CCDC30: variants seen among roughly 807,000 people sequenced by gnomAD.
CCDC30 encodes the protein coiled-coil domain-containing protein 30.
CCDC30 carries 70 observed loss-of-function variants against 100.2 expected under a neutral mutation model. That is an observed-to-expected ratio of 0.70 (90% CI 0.58 to 0.85). CCDC30 has a LOEUF of 0.85. Among genes scored for constraint, CCDC30 ranks in the 40% least tolerant of loss-of-function variants. The pLI is 0.00. For synonymous variants in CCDC30, 233 were observed against 269.5 expected (o/e 0.86, Z 1.33); for missense variants, 652 against 771.2 (o/e 0.85, Z 1.83).
intron 1 of CCDC30, among the ~76,000 whole-genome samples, chr1:42,477,452 T>C (rs1406813500): frequency 6.6e-6 from 1 of 152,134 alleles, no homozygotes; most frequent in African/African-American, 2.4e-5. Flanking sequence ...ATGATCTTGA[T>C]CTCTTGACCT....
At chr1:42,569,180 A>G (rs1280468278) in intron 7 of CCDC30, 1 of 152,254 alleles carries the variant, frequency 6.6e-6, no homozygotes, top group African/African-American at 2.4e-5. Context: ...AACTATCATC[A>G]GAATGAACAG....
intron 6 of CCDC30, among the ~76,000 whole-genome samples, chr1:42,561,617 CA>C (rs1645489228): frequency 6.6e-6 from 1 of 151,846 alleles, no homozygotes; most frequent in African/African-American, 2.4e-5. Flanking sequence ...GGCAGTCAGG[CA>C]AAAGAAAGAA....
intron 6 of CCDC30, among the ~76,000 whole-genome samples, chr1:42,528,722 G>A (rs1644762490): frequency 6.6e-6 from 1 of 152,222 alleles, no homozygotes; most frequent in Non-Finnish European, 1.5e-5. Flanking sequence ...GGGAAGAGAA[G>A]CAAGTACTTT....
At chr1:42,583,533 C>T (rs1646009470) in intron 9 of CCDC30, among the ~76,000 whole-genome samples, 4 of 152,236 alleles carry the variant, frequency 2.6e-5, no homozygotes, top group South Asian at 2.1e-4. Context: ...TCTGACATTA[C>T]ATTTTTTTCT....
chr1:42,650,919 C>T (rs939626333), intron 15 of CCDC30, among the ~76,000 whole-genome samples: 9 of 152,308 alleles, frequency 5.9e-5, no homozygotes, highest in African/African-American at 1.7e-4. Flanking sequence ...TCAGACACCA[C>T]ACCTGGCCTA....
intron 6 of CCDC30, chr1:42,556,314 T>C (rs769188332): frequency 2.5e-6 from 4 of 1,613,882 alleles, no homozygotes; most frequent in East Asian, 2.2e-5. Context: ...CCTGAGGAAA[T>C]TGTGAGGCTT....
At chr1:42,525,012 A>C (rs1644703580) in intron 6 of CCDC30, among the ~76,000 whole-genome samples, 1 of 152,164 alleles carries the variant, frequency 6.6e-6, no homozygotes, top group Non-Finnish European at 1.5e-5. Context: ...TCTTGCTTTC[A>C]TAGTTTTTGA....
rs113665471 is a variant in CCDC30, at chr1:42,555,925, G to C, written c.457-10371G>C. On this transcript the variant is annotated intron_variant, in intron 6 of 16. Coordinates refer to ENST00000668663, the Ensembl canonical transcript of CCDC30. ...GGCTCGTCTCCAGCTCCTGACATCA[G>C]GTGATCCGCCCATCTCGGCCTTCCA... is the stretch of plus-strand genomic sequence containing the variant. Among the ~76,000 whole-genome samples, 936 of 152,248 alleles carry C rather than the reference G, an allele frequency of 6.1e-3. 6 individuals are homozygous for C. Among genetic ancestry groups the C allele is most frequent in the African/African-American group, 0.021 (874 of 41,538 alleles).
chr1:42,599,118 T>C (rs1646351154), intron 10 of CCDC30, among the ~76,000 whole-genome samples: 1 of 152,134 alleles, frequency 6.6e-6, no homozygotes. Context: ...TTTTAGTTGA[T>C]CTAAGAGATA....
At chr1:42,477,458 G>A (rs1414278531) in intron 1 of CCDC30, among the ~76,000 whole-genome samples, 1 of 152,086 alleles carries the variant, frequency 6.6e-6, no homozygotes, top group Non-Finnish European at 1.5e-5. Flanking sequence ...TTGATCTCTT[G>A]ACCTTGTGAT....
upstream of CCDC30, chr1:42,459,935 GC>G (rs779561295): frequency 3.2e-6 from 5 of 1,578,754 alleles, no homozygotes; most frequent in South Asian, 2.3e-5. Flanking sequence ...GAAGTAAAAA[GC>G]CCTTATAGGA....
At chr1:42,484,840 AAG>A (rs1364434129) in intron 3 of CCDC30, among the ~76,000 whole-genome samples, 1 of 152,174 alleles carries the variant, frequency 6.6e-6, no homozygotes, top group Admixed American at 6.5e-5. Flanking sequence ...AAGAATAAAA[AAG>A]AATTTATATA....
chr1:42,556,538 A>G, intron 6 of CCDC30, 133 bp downstream of exon 10: 1 of 950,790 alleles, frequency 1.1e-6, no homozygotes, highest in Non-Finnish European at 1.5e-6. Flanking sequence ...AGATGTGTGT[A>G]TTTATGGAGT....
chr1:42,549,152 G>A (rs1280186638), intron 6 of CCDC30, among the ~76,000 whole-genome samples: 1 of 152,142 alleles, frequency 6.6e-6, no homozygotes, highest in Non-Finnish European at 1.5e-5. Flanking sequence ...AAGGACTGAT[G>A]AGCGGGACCA....
intron 8 of CCDC30, chr1:42,580,790 A>T (rs1380988712): frequency 2.2e-6 from 1 of 455,908 alleles, no homozygotes; most frequent in Admixed American, 2.4e-5. Flanking sequence ...CAATATGCTA[A>T]TAGGTGCTTG....
At chr1:42,527,268 C>A (rs57722199) in intron 6 of CCDC30, among the ~76,000 whole-genome samples, 1,830 of 152,292 alleles carry the variant, frequency 0.012, 30 homozygotes, top group African/African-American at 0.041. Flanking sequence ...CTGTGACAAT[C>A]TACTAGGATA....
At chr1:42,460,647 T>C (rs1643385390), upstream of CCDC30, among the ~76,000 whole-genome samples, 2 of 152,232 alleles carry the variant, frequency 1.3e-5, no homozygotes, top group Admixed American at 1.3e-4. Flanking sequence ...TGGTGATCTC[T>C]GTCCTGAGGG....
intron 3 of CCDC30, among the ~76,000 whole-genome samples, chr1:42,486,034 A>G (rs900674583): frequency 5.9e-5 from 9 of 152,192 alleles, no homozygotes; most frequent in African/African-American, 2.2e-4. Flanking sequence ...ATACATTGCT[A>G]GTAAGAAGGT....
intron 6 of CCDC30, among the ~76,000 whole-genome samples, chr1:42,513,776 T>G (rs1644515421): frequency 6.6e-6 from 1 of 152,168 alleles, no homozygotes; most frequent in Non-Finnish European, 1.5e-5. Context: ...CGAGGCTGGT[T>G]AATTTATAAA....
Sources: allele counts gnomAD v4.1 joint callset (sites outside exome capture counted in the v4.1 genomes callset), GRCh38; gene constraint gnomAD v4.1.1; transcripts MANE v1.5; gene names NCBI Gene and HGNC (gene_info 2026-07-23, HGNC 2026-07-21).